CACNA1A: variants seen among roughly 807,000 people sequenced by gnomAD.
CACNA1A encodes the protein voltage-dependent P/Q-type calcium channel subunit alpha-1A.
In CACNA1A, 57 loss-of-function variants were observed where a neutral mutation model predicts 262.4. The ratio of observed to expected loss-of-function variants is 0.22; its 90% CI spans 0.18 to 0.27. CACNA1A has a LOEUF of 0.27. Ranked by LOEUF, CACNA1A falls within the 10% of genes least tolerant of loss-of-function variation. The pLI, the probability that CACNA1A is intolerant of heterozygous loss-of-function variation, is 1.00. For missense variants in CACNA1A, 2,526 were observed against 3,562.8 expected (o/e 0.71, Z 7.41); for synonymous variants, 1,431 against 1,419.3 (o/e 1.01, Z -0.18).
chr19:13,488,390 CTTTTTTTTTT>C (rs34348281), intron 1 of CACNA1A, among the ~76,000 whole-genome samples: 1 of 77,622 alleles, frequency 1.3e-5, no homozygotes, highest in African/African-American at 6.0e-5. Flanking sequence ...TTTTTCTTTT[CTTTTTTTTTT>C]TTTTTTTTTT....
intron 9 of CACNA1A, among the ~76,000 whole-genome samples, chr19:13,331,202 G>C (rs770678872): frequency 2.6e-5 from 4 of 152,086 alleles, no homozygotes; most frequent in Non-Finnish European, 5.9e-5. Context: ...AAATCTCTCA[G>C]ATTTTTAATC....
chr19:13,420,529 G>C (rs1472799789), intron 3 of CACNA1A, among the ~76,000 whole-genome samples: 1 of 152,100 alleles, frequency 6.6e-6, no homozygotes, highest in East Asian at 1.9e-4. Flanking sequence ...AATGAAGATG[G>C]AGGCAGAGAT....
At chr19:13,210,700 AAAAT>A (rs1484456042) in intron 43 of CACNA1A, 48 bp from the exon 44 acceptor site, 15 of 1,543,726 alleles carry the variant, frequency 9.7e-6, no homozygotes, top group Non-Finnish European at 1.3e-5. Flanking sequence ...CAGAAAGAAG[AAAAT>A]AAATATAAAA....
chr19:13,371,679 C>T lies in CACNA1A; in HGVS notation c.631+9G>A, dbSNP rs1462634308. On this transcript the variant is annotated intron_variant, in intron 4 of 46. Transcript: ENST00000360228. ...GCAAACCCCTTGTCAGGGTCGGAAA[C>T]TCACGCACTTGGGATTCCAGACACC... is the stretch of plus-strand genomic sequence containing the variant. 1 of 1,562,318 alleles carries T rather than the reference C, an allele frequency of 6.4e-7. No homozygotes were observed. Among genetic ancestry groups the T allele is most frequent in the Non-Finnish European group, 8.7e-7 (1 of 1,152,548 alleles).
Position 13,277,131 on chromosome 19 carries a change from G to A in CACNA1A, c.3823-3C>T, listed in dbSNP as rs1057521929. 1.2e-6 allele frequency: 2 copies of A among 1,609,718 alleles called. No homozygotes were observed. The highest frequency in any genetic ancestry group is 8.5e-7 in the Non-Finnish European group (1 of 1,176,194). On this transcript the variant is annotated splice_region_variant and splice_polypyrimidine_tract_variant and intron_variant, in intron 22 of 46. Transcript: ENST00000360228. ...ACGTAGTCAAAGTATCGCAGCACCT[G>A]TAAGGGATAAAAGCAAGAGAGCAGT...
At chr19:13,224,615 C>G (rs1568435944) in intron 38 of CACNA1A, 52 bp downstream of exon 38, 12 of 1,262,166 alleles carry the variant, frequency 9.5e-6, no homozygotes, top group Non-Finnish European at 1.0e-5. Flanking sequence ...GAGGGAGATC[C>G]CCGGTTCCAC....
chr19:13,207,789 G>C lies in CACNA1A; in HGVS notation c.7045C>G (p.Leu2349Val). The change falls in exon 47 of 47, where the codon CTG becomes GTG. Residue 2349 changes from leucine to valine, a missense_variant. Leu to Val is a conservative substitution (Grantham distance 32). Transcript: ENST00000360228. This position sits in a 1 kb window ranked among gnomAD's most constrained non-coding sequence, Gnocchi z 5.7. ...RRYPGPTAEP[L>V]AGDRPPTGGH... ...CCCGTGGGCGGCCGATCTCCGGCCA[G>C]AGGCTCGGCCGTGGGGCCTGGGTAC... 2 of 1,397,018 alleles carry C rather than the reference G, an allele frequency of 1.4e-6. No individual in the cohort carries two copies. Among genetic ancestry groups the C allele is most frequent in the Non-Finnish European group, 1.8e-6 (2 of 1,083,912 alleles). The allele number at this position is 1,397,018 out of a possible 1,614,324, so 86.5% of individuals were successfully genotyped here. A position where few individuals can be genotyped will look rare whatever the true frequency, so the allele number is the denominator to read the frequency against.
At chr19:13,370,354 C>T (rs1448092541) in intron 4 of CACNA1A, among the ~76,000 whole-genome samples, 1 of 152,140 alleles carries the variant, frequency 6.6e-6, no homozygotes, top group Non-Finnish European at 1.5e-5. Context: ...ACCCATCCAC[C>T]TTGGCCTCCC....
intron 1 of CACNA1A, among the ~76,000 whole-genome samples, chr19:13,459,009 C>T (rs2061067061): frequency 6.6e-6 from 1 of 152,194 alleles, no homozygotes; most frequent in South Asian, 2.1e-4. Context: ...GCATGTTCAA[C>T]AGTATCCCTG....
At chr19:13,293,006 C>T (rs548991799) in intron 19 of CACNA1A, among the ~76,000 whole-genome samples, 2 of 152,192 alleles carry the variant, frequency 1.3e-5, no homozygotes, top group South Asian at 4.2e-4. Flanking sequence ...GGGGTCTGGC[C>T]AGCTGAGGCT....
chr19:13,467,386 C>T (rs2061266528), intron 1 of CACNA1A, among the ~76,000 whole-genome samples: 1 of 151,958 alleles, frequency 6.6e-6, no homozygotes. Flanking sequence ...GAGGCTGAGG[C>T]ACGAGGATCA....
At chr19:13,334,229 T>C in intron 8 of CACNA1A, 149 bp downstream of exon 8, 1 of 593,240 alleles carries the variant, frequency 1.7e-6, no homozygotes. Context: ...TCTGGATTCT[T>C]GTTGATAAAA....
chr19:13,404,685 G>A (rs546576973), intron 3 of CACNA1A, among the ~76,000 whole-genome samples: 9 of 152,072 alleles, frequency 5.9e-5, no homozygotes, highest in African/African-American at 2.2e-4. Context: ...TACAAGTCCC[G>A]TGATGTTTCC....
chr19:13,384,495 C>T (rs2144620697), intron 3 of CACNA1A, among the ~76,000 whole-genome samples: 1 of 152,184 alleles, frequency 6.6e-6, no homozygotes, highest in South Asian at 2.1e-4. Flanking sequence ...GTTAGGAGTT[C>T]GAGATCAGCC....
At position 13,427,321 on chromosome 19, in the gene CACNA1A, A is replaced by G. The variant is rs112620565; in HGVS notation, c.539+25555T>C. On this transcript the variant is annotated intron_variant, in intron 3 of 46. Coordinates refer to ENST00000360228, the MANE Select transcript of CACNA1A (RefSeq NM_001127222.2). Reference sequence around the variant, plus strand: ...AATTAAATTAGCCAGGCGTGGTGGCATATGCCTGTAATCTCAGCTACTCAG... The same window carrying G: ...AATTAAATTAGCCAGGCGTGGTGGCGTATGCCTGTAATCTCAGCTACTCAG... 7.2e-3 allele frequency among the ~76,000 whole-genome samples: 1,098 copies of G among 152,160 alleles called. 17 individuals carry two copies. The highest frequency in any genetic ancestry group is 0.025 in the African/African-American group (1,029 of 41,508).
At chr19:13,360,083 T>C (rs907275977) in intron 5 of CACNA1A, among the ~76,000 whole-genome samples, 1 of 151,902 alleles carries the variant, frequency 6.6e-6, no homozygotes, top group Non-Finnish European at 1.5e-5. Context: ...TAACTGCCTT[T>C]AAGGCTATAA....
chr19:13,418,916 T>C (rs1301676746), intron 3 of CACNA1A, among the ~76,000 whole-genome samples: 1 of 152,138 alleles, frequency 6.6e-6, no homozygotes, highest in Non-Finnish European at 1.5e-5. Flanking sequence ...TTTTTTGAGA[T>C]GGAGTTTTGC....
intron 3 of CACNA1A, among the ~76,000 whole-genome samples, chr19:13,449,308 C>A (rs755209551): frequency 4.6e-5 from 7 of 151,806 alleles, no homozygotes; most frequent in East Asian, 1.9e-4. Context: ...ACAACAACAA[C>A]AAAAAACATT....
At chr19:13,302,782 G>C (rs1262826656) in intron 17 of CACNA1A, among the ~76,000 whole-genome samples, 1 of 152,194 alleles carries the variant, frequency 6.6e-6, no homozygotes, top group Non-Finnish European at 1.5e-5. Context: ...CCCTCCACTG[G>C]GAGCTGGGGC....
Sources: allele counts gnomAD v4.1 joint callset (sites outside exome capture counted in the v4.1 genomes callset), GRCh38; gene constraint gnomAD v4.1.1; non-coding constraint Gnocchi (gnomAD v3.1); transcripts MANE v1.5; gene names NCBI Gene and HGNC (gene_info 2026-07-23, HGNC 2026-07-21).